Variants in RAD50 observed in about 807,000 individuals in gnomAD.
The protein encoded by RAD50 is RAD50 double strand break repair protein, also known as DNA repair protein RAD50.
A neutral mutation model predicts 168.8 loss-of-function variants in RAD50; 132 were observed. The ratio of observed to expected loss-of-function variants is 0.78; its 90% CI spans 0.68 to 0.90. The LOEUF is 0.90. RAD50 is among the 40% of genes least tolerant of loss of function. RAD50 has a pLI of 0.00. For missense variants in RAD50, 1,347 were observed against 1,534.4 expected, an observed-to-expected ratio of 0.88 and a Z score of 2.04; for synonymous variants, 525 against 497.4, an observed-to-expected ratio of 1.06 and a Z score of -0.74.
In RAD50 at chr5:132,644,405, C is replaced by T. The variant is rs1751806537; in HGVS notation, c.*2041C>T. Reference sequence around the variant, plus strand: ...ATGGAGGTTAGAATGAGCCAGACTGCCTGGGCTCAAATCCTAGCACACCAC... The same window carrying T: ...ATGGAGGTTAGAATGAGCCAGACTGTCTGGGCTCAAATCCTAGCACACCAC... On this transcript the variant is annotated 3_prime_UTR_variant, in exon 25 of 25. Coordinates refer to ENST00000378823, the MANE Select transcript of RAD50 (RefSeq NM_005732.4). 1 of 171,432 alleles carries T rather than the reference C, an allele frequency of 5.8e-6. No individual in the cohort carries two copies. The highest frequency in any genetic ancestry group is 1.3e-5 in the Non-Finnish European group (1 of 79,002). 10.6% of individuals were successfully genotyped at this position (171,432 alleles called of 1,614,324 possible). A position where few individuals can be genotyped will look rare whatever the true frequency, so the allele number is the denominator to read the frequency against.
intron 21 of RAD50, among the ~76,000 whole-genome samples, chr5:132,619,832 CTCTCTATATA>C (rs1157466792): frequency 8.6e-6 from 1 of 116,276 alleles, no homozygotes; most frequent in African/African-American, 4.3e-5. Flanking sequence ...CTCTCTCTCT[CTCTCTATATA>C]TATATATATA....
rs121912628 is a variant in RAD50, at chr5:132,618,182, C to G, written c.3277C>G (p.Arg1093Gly). 1.2e-6 allele frequency: 2 copies of G among 1,613,804 alleles called. No individual in the cohort carries two copies. Among genetic ancestry groups the G allele is most frequent in the South Asian group, 2.2e-5 (2 of 91,044 alleles). Reference protein sequence around the residue: ...EEIIHFKKELREPQFRDAEEK... With the variant: ...EEIIHFKKELGEPQFRDAEEK... Reference sequence around the variant, plus strand: ...AATTATTCATTTTAAGAAAGAACTTCGAGAACCACAATTTCGGGATGCTGA... The same window carrying G: ...AATTATTCATTTTAAGAAAGAACTTGGAGAACCACAATTTCGGGATGCTGA... The change falls in exon 21 of 25, where the codon CGA (arginine) becomes GGA (glycine). Residue 1093 changes from arginine (R) to glycine (G), a missense_variant. By Grantham distance (125) the Arg-to-Gly change is moderately radical. Transcript: ENST00000378823.
intron 2 of RAD50, among the ~76,000 whole-genome samples, chr5:132,572,334 A>G (rs546885466): frequency 2.0e-5 from 3 of 152,328 alleles, no homozygotes; most frequent in South Asian, 4.1e-4. Flanking sequence ...TAAGAACCTT[A>G]AAATCTTATT....
At chr5:132,634,724 A>G (rs1016110908) in intron 21 of RAD50, among the ~76,000 whole-genome samples, 1 of 152,182 alleles carries the variant, frequency 6.6e-6, no homozygotes, top group African/African-American at 2.4e-5. Flanking sequence ...CAGTTAAGAA[A>G]ACATTCTTTG....
intron 2 of RAD50, among the ~76,000 whole-genome samples, chr5:132,572,947 TA>T (rs1750332494): frequency 6.6e-6 from 1 of 152,250 alleles, no homozygotes; most frequent in Non-Finnish European, 1.5e-5. Flanking sequence ...TTCAAGGGAT[TA>T]GAATGTGGAC....
chr5:132,615,855 TC>T (rs924079158), intron 19 of RAD50, 147 bp from the exon 20 acceptor site: 2 of 783,878 alleles, frequency 2.6e-6, no homozygotes, highest in Non-Finnish European at 4.2e-6. Flanking sequence ...ACCTGTAGAT[TC>T]CTTCACACTG....
intron 19 of RAD50, among the ~76,000 whole-genome samples, chr5:132,615,743 C>T (rs1274139308): frequency 6.6e-6 from 1 of 152,014 alleles, no homozygotes; most frequent in African/African-American, 2.4e-5. Context: ...AACAGTAGAC[C>T]TGGTTTTTAG....
chr5:132,612,266 G>C (rs1002342037), intron 19 of RAD50, among the ~76,000 whole-genome samples: 11 of 152,182 alleles, frequency 7.2e-5, no homozygotes, highest in Non-Finnish European at 1.5e-4. Flanking sequence ...GTCACATAAT[G>C]TACGATTCCA....
intron 21 of RAD50, among the ~76,000 whole-genome samples, chr5:132,630,316 A>G (rs1431113036): frequency 2.0e-5 from 3 of 152,206 alleles, no homozygotes; most frequent in Non-Finnish European, 4.4e-5. Context: ...TGCTGGGATT[A>G]CAAGCATGAG....
intron 1 of RAD50, among the ~76,000 whole-genome samples, 196 bp downstream of exon 1, chr5:132,557,649 C>CCG (rs1383724963): frequency 6.6e-6 from 1 of 152,182 alleles, no homozygotes; most frequent in African/African-American, 2.4e-5. Flanking sequence ...GGAAGGATGT[C>CCG]CGGACCTGGC....
chr5:132,607,609 A>AT (rs949537766), intron 16 of RAD50, among the ~76,000 whole-genome samples: 4 of 152,284 alleles, frequency 2.6e-5, no homozygotes, highest in Non-Finnish European at 5.9e-5. Flanking sequence ...CATCTGTATA[A>AT]TTTTTTACTA....
At chr5:132,590,892 G>A (rs1174490789) in intron 9 of RAD50, among the ~76,000 whole-genome samples, 1 of 152,114 alleles carries the variant, frequency 6.6e-6, no homozygotes, top group Non-Finnish European at 1.5e-5. Flanking sequence ...ATTACATGGG[G>A]ACATAATAAA....
chr5:132,633,585 T>G (rs1751516356), intron 21 of RAD50, among the ~76,000 whole-genome samples: 1 of 151,958 alleles, frequency 6.6e-6, no homozygotes, highest in African/African-American at 2.4e-5. Flanking sequence ...TTTTTGTTTT[T>G]TGTTTTTTCA....
At chr5:132,560,768 G>A (rs1044388645) in intron 2 of RAD50, among the ~76,000 whole-genome samples, 1 of 152,148 alleles carries the variant, frequency 6.6e-6, no homozygotes, top group African/African-American at 2.4e-5. Context: ...TTCTCTTGAT[G>A]GATCATTCAC....
intron 9 of RAD50, among the ~76,000 whole-genome samples, chr5:132,590,825 G>T (rs1750684761): frequency 6.6e-6 from 1 of 152,152 alleles, no homozygotes; most frequent in Non-Finnish European, 1.5e-5. Context: ...GGAGATACTT[G>T]GTCAGGGACC....
chr5:132,609,971 T>A (rs1307008842), intron 19 of RAD50, among the ~76,000 whole-genome samples: 1 of 152,122 alleles, frequency 6.6e-6, no homozygotes, highest in Admixed American at 6.6e-5. Context: ...TATTTGTTCT[T>A]AAAGAAGTTT....
At chr5:132,586,342 C>G (rs1490768191) in intron 5 of RAD50, among the ~76,000 whole-genome samples, 4 of 152,104 alleles carry the variant, frequency 2.6e-5, no homozygotes, top group African/African-American at 9.7e-5. Flanking sequence ...TTAGTATATA[C>G]TTTTGTGAGG....
At chr5:132,586,319 T>G (rs1750593890) in intron 5 of RAD50, among the ~76,000 whole-genome samples, 1 of 152,238 alleles carries the variant, frequency 6.6e-6, no homozygotes, top group Non-Finnish European at 1.5e-5. Context: ...GTTAAGTCCT[T>G]TGAATTTCCT....
At chr5:132,631,118 CTTT>C (rs34124696) in intron 21 of RAD50, among the ~76,000 whole-genome samples, 2 of 129,080 alleles carry the variant, frequency 1.5e-5, no homozygotes, top group Admixed American at 7.9e-5. Context: ...GAGAGTCTCA[CTTT>C]TTTTTTTTTT....
Sources: allele counts gnomAD v4.1 joint callset (sites outside exome capture counted in the v4.1 genomes callset), GRCh38; gene constraint gnomAD v4.1.1; transcripts MANE v1.5; gene names NCBI Gene and HGNC (gene_info 2026-07-23, HGNC 2026-07-21).